GPC5: variants seen among roughly 807,000 people sequenced by gnomAD.
GPC5 encodes glypican 5, also known as glypican-5.
Under a neutral mutation model 53.9 loss-of-function variants are expected in GPC5, and 47 were observed. The observed-to-expected ratio is 0.87, with a 90% CI of 0.69 to 1.11. The LOEUF (loss-of-function observed/expected upper bound fraction) is 1.11. Ranked by LOEUF, GPC5 falls within the 50% of genes most tolerant of loss-of-function variation. GPC5 has a pLI of 0.00. For synonymous variants in GPC5, 286 were observed against 263.3 expected, an observed-to-expected ratio of 1.09 and a Z score of -0.84; for missense variants, 748 against 713.1, an observed-to-expected ratio of 1.05 and a Z score of -0.56.
Position 92,445,753 on chromosome 13 carries a change from G to A in GPC5, c.1561+300764G>A, listed in dbSNP as rs189180369. Among the ~76,000 whole-genome samples, 1,116 of 151,658 alleles carry A rather than the reference G, an allele frequency of 7.4e-3. 10 individuals carry two copies. Among genetic ancestry groups the A allele is most frequent in the Non-Finnish European group, 0.012 (823 of 67,920 alleles). ...GGGTTGGTTCCAAGTCTTTGCTATC[G>A]TGAATAATGCCGCAATAAACATACG... On this transcript the variant is annotated intron_variant, in intron 7 of 7. Coordinates refer to ENST00000377067, the MANE Select transcript of GPC5 (RefSeq NM_004466.6).
chr13:92,032,168 G>A (rs2040857566), intron 6 of GPC5, among the ~76,000 whole-genome samples: 1 of 149,076 alleles, frequency 6.7e-6, no homozygotes, highest in South Asian at 2.1e-4. Context: ...TATTCTAAGT[G>A]AAGTAACTCA....
rs566615958 is a variant in GPC5 at position 91,735,523 on chromosome 13, C to G, written c.1154+6858C>G. Among the ~76,000 whole-genome samples the G allele has an allele frequency of 2.8e-4, 43 of 151,308 alleles. 3 individuals are homozygous for G. The highest frequency in any genetic ancestry group is 1.0e-3 in the African/African-American group (42 of 40,738). Reference sequence around the variant, plus strand: ...TGTAAGGTAAGTCACTATATTTACTCTCATTTTCAAAATTCTCTTAGATAT... The same window carrying G: ...TGTAAGGTAAGTCACTATATTTACTGTCATTTTCAAAATTCTCTTAGATAT... On this transcript the variant is annotated intron_variant, in intron 4 of 7. Coordinates refer to ENST00000377067, the MANE Select transcript of GPC5 (RefSeq NM_004466.6).
rs375953635 is a variant in GPC5, at chr13:91,989,287, T to C, written c.1401+81230T>C. The stretch of plus-strand genomic sequence containing the variant: ...GATATAAATGCATTCAAATATAGTC[T>C]ATGTCCTTTAGACTTCTGTTTCTAA... On this transcript the variant is annotated intron_variant, in intron 6 of 7. Coordinates refer to ENST00000377067, the MANE Select transcript of GPC5 (RefSeq NM_004466.6). Among the ~76,000 whole-genome samples the C allele has an allele frequency of 8.5e-5, 13 of 152,344 alleles. No homozygotes were observed. The East Asian group carries it at 1.5e-3, about 18-fold the overall frequency.
At chr13:92,361,590 T>C (rs1051510858) in intron 7 of GPC5, among the ~76,000 whole-genome samples, 5 of 150,784 alleles carry the variant, frequency 3.3e-5, no homozygotes, top group Non-Finnish European at 7.4e-5. Context: ...TGAGGAGGAG[T>C]GGAAAATGGG....
At chr13:91,422,662 C>A (rs973724035) in intron 1 of GPC5, among the ~76,000 whole-genome samples, 2 of 139,898 alleles carry the variant, frequency 1.4e-5, no homozygotes, top group Non-Finnish European at 3.2e-5. Context: ...AAAACCATTT[C>A]TTACAGTGCT....
At chr13:91,761,258 T>TG (rs1213199663) in intron 5 of GPC5, among the ~76,000 whole-genome samples, 1 of 152,184 alleles carries the variant, frequency 6.6e-6, no homozygotes, top group African/African-American at 2.4e-5. Context: ...AACCAGCCAG[T>TG]ATCTGTTAAG....
intron 2 of GPC5, among the ~76,000 whole-genome samples, chr13:91,643,767 CT>C (rs1034625301): frequency 2.6e-5 from 4 of 152,162 alleles, no homozygotes; most frequent in African/African-American, 7.2e-5. Flanking sequence ...GGCCTCCCCC[CT>C]GTGTACCTGT....
chr13:91,909,706 A>C (rs2039591322), intron 6 of GPC5, among the ~76,000 whole-genome samples: 1 of 152,144 alleles, frequency 6.6e-6, no homozygotes, highest in Non-Finnish European at 1.5e-5. Flanking sequence ...TTCCATAAGA[A>C]GTGCACAGTT....
At chr13:92,819,148 T>A (rs1464312571) in intron 7 of GPC5, among the ~76,000 whole-genome samples, 1 of 152,060 alleles carries the variant, frequency 6.6e-6, no homozygotes, top group Admixed American at 6.5e-5. Context: ...TACTTAAAGT[T>A]TCATATCCTG....
chr13:92,207,510 A>C (rs2042346051), intron 7 of GPC5, among the ~76,000 whole-genome samples: 1 of 152,188 alleles, frequency 6.6e-6, no homozygotes, highest in Non-Finnish European at 1.5e-5. Flanking sequence ...CTCCACCATA[A>C]TATAGTTAGA....
At chr13:92,089,762 C>A (rs1465346895) in intron 6 of GPC5, among the ~76,000 whole-genome samples, 1 of 151,918 alleles carries the variant, frequency 6.6e-6, no homozygotes, top group Admixed American at 6.5e-5. Context: ...AAGAATATTG[C>A]CTTAGAGATC....
At chr13:92,655,325 A>ATTTAT (rs1173771785) in intron 7 of GPC5, among the ~76,000 whole-genome samples, 4 of 136,442 alleles carry the variant, frequency 2.9e-5, no homozygotes, top group South Asian at 2.6e-4. Context: ...TTATTTATTT[A>ATTTAT]TTTATTTTAT....
At chr13:92,387,932 T>A (rs9523663) in intron 7 of GPC5, among the ~76,000 whole-genome samples, 76,744 of 151,998 alleles carry the variant, frequency 0.5, 19,690 homozygotes, top group East Asian at 0.55. Context: ...TTATTACTAT[T>A]TCACTGATTA....
rs1037128173 is a variant in GPC5 at position 91,854,154 on chromosome 13, A to G, written c.1281-53783A>G. 7.2e-5 allele frequency among the ~76,000 whole-genome samples: 11 copies of G among 151,876 alleles called. No homozygotes were observed. In the East Asian group the frequency reaches 1.7e-3, roughly 24 times the overall value. On this transcript the variant is annotated intron_variant, in intron 5 of 7. Transcript: ENST00000377067. Reference sequence around the variant, plus strand: ...GTGCTATAACCAATTAAATTATTCTATAAACAGTTATAGTATGAATAGTTC... The same window carrying G: ...GTGCTATAACCAATTAAATTATTCTGTAAACAGTTATAGTATGAATAGTTC...
At chr13:92,788,181 T>C (rs1028706246) in intron 7 of GPC5, among the ~76,000 whole-genome samples, 3 of 152,168 alleles carry the variant, frequency 2.0e-5, no homozygotes, top group East Asian at 3.9e-4. Context: ...TTTGAACACA[T>C]AATTTTTTTA....
At chr13:92,671,816 G>A (rs1408436516) in intron 7 of GPC5, among the ~76,000 whole-genome samples, 3 of 152,288 alleles carry the variant, frequency 2.0e-5, no homozygotes, top group South Asian at 2.1e-4. Flanking sequence ...TCCTGTAGAC[G>A]ATTGAGAGTG....
chr13:91,843,621 CA>C (rs2038814723), intron 5 of GPC5, among the ~76,000 whole-genome samples: 1 of 152,072 alleles, frequency 6.6e-6, no homozygotes, highest in Non-Finnish European at 1.5e-5. Context: ...TGTATACCAG[CA>C]AAGCTCTTAA....
intron 3 of GPC5, among the ~76,000 whole-genome samples, chr13:91,695,178 T>C (rs2035853691): frequency 6.6e-6 from 1 of 152,016 alleles, no homozygotes; most frequent in South Asian, 2.1e-4. Context: ...ATTAACCGGG[T>C]TCTCAACTTG....
At chr13:91,595,632 T>TAATTTTCTC (rs1480383884) in intron 2 of GPC5, among the ~76,000 whole-genome samples, 11 of 152,220 alleles carry the variant, frequency 7.2e-5, no homozygotes. Flanking sequence ...TCCTGTACTA[T>TAATTTTCTC]CTGAACTTCC....
Sources: allele counts gnomAD v4.1 joint callset (sites outside exome capture counted in the v4.1 genomes callset), GRCh38; gene constraint gnomAD v4.1.1; transcripts MANE v1.5; gene names NCBI Gene and HGNC (gene_info 2026-07-23, HGNC 2026-07-21).